The following SLC4A8 variants were observed in gnomAD, a reference collection of about 807,000 sequenced individuals.
The protein encoded by SLC4A8 is solute carrier family 4 member 8.
Under a neutral mutation model 125.0 loss-of-function variants are expected in SLC4A8, and 40 were observed. The ratio of observed to expected loss-of-function variants is 0.32; its 90% confidence interval spans 0.25 to 0.42. SLC4A8 has a LOEUF of 0.42. Ranked by LOEUF, SLC4A8 falls within the 10% of genes least tolerant of loss-of-function variation. The pLI, the probability that SLC4A8 is intolerant of heterozygous loss-of-function variation, is 1.00. For synonymous variants in SLC4A8, 456 were observed against 476.0 expected, an observed-to-expected ratio of 0.96 and a Z score of 0.55; for missense variants, 863 against 1,355.1, an observed-to-expected ratio of 0.64 and a Z score of 5.70.
rs145674542 is a variant in SLC4A8 at position 51,445,579 on chromosome 12, C to T, written c.130+4790C>T. Among the ~76,000 whole-genome samples, 446 of 152,160 alleles carry T rather than the reference C, an allele frequency of 2.9e-3. 3 individuals are homozygous for T. The highest frequency in any genetic ancestry group is 0.01 in the African/African-American group (425 of 41,504). The stretch of plus-strand genomic sequence containing the variant: ...CATCTCCTTTCCTTCCCTTTTCTAC[C>T]CTGCCCTGGCCCTACTGGCCATCCT... On this transcript the variant is annotated intron_variant, in intron 2 of 24. Transcript: ENST00000453097.
At chr12:51,462,561 C>T in intron 10 of SLC4A8, 105 bp downstream of exon 10, 1 of 888,628 alleles carries the variant, frequency 1.1e-6, no homozygotes. Flanking sequence ...CAAGATGCAG[C>T]TCTGTTTTGG....
intron 11 of SLC4A8, among the ~76,000 whole-genome samples, chr12:51,465,775 C>T (rs558520960): frequency 1.3e-5 from 2 of 152,220 alleles, no homozygotes; most frequent in Non-Finnish European, 2.9e-5. Flanking sequence ...GGCAAGGTGA[C>T]ATAATGGCTG....
In SLC4A8 at chr12:51,452,327, A is replaced by G; in HGVS notation, c.413+68A>G. ...GCAAGTGTGTACCCTTCAGCAAGTG[A>G]CAGGCCTGCCTGCCTTATTTCTTCT... On this transcript the variant is annotated intron_variant, in intron 4 of 24. Transcript: ENST00000453097. The G allele has an allele frequency of 3.9e-6, 6 of 1,540,210 alleles. No individual in the cohort carries two copies. In the Admixed American group the frequency reaches 6.7e-5, roughly 17 times the overall value.
intron 14 of SLC4A8, among the ~76,000 whole-genome samples, chr12:51,472,544 T>C (rs968927478): frequency 2.0e-5 from 3 of 152,378 alleles, no homozygotes; most frequent in African/African-American, 7.2e-5. Context: ...TCTGTAAGGT[T>C]GATTCTTTGA....
At chr12:51,472,224 A>G (rs1240158678) in intron 14 of SLC4A8, among the ~76,000 whole-genome samples, 1 of 152,322 alleles carries the variant, frequency 6.6e-6, no homozygotes, top group Non-Finnish European at 1.5e-5. Context: ...AATTATGACT[A>G]AAGATCCTCT....
chr12:51,398,906 C>T (rs1481291214), intron 1 of SLC4A8, among the ~76,000 whole-genome samples: 1 of 152,154 alleles, frequency 6.6e-6, no homozygotes. Flanking sequence ...TGCGCAACCA[C>T]GCCCAACTAA....
rs573685121 is a variant in SLC4A8 at position 51,489,639 on chromosome 12, C to G, written c.2449-61C>G. On this transcript the variant is annotated intron_variant, in intron 18 of 24. Transcript: ENST00000453097. ...CTTTGGGCCTGAGACCCGTAGCTCA[C>G]TGTTCTATGCCCTACTACAGCTAGC... 14 of 1,596,728 alleles carry G rather than the reference C, an allele frequency of 8.8e-6. No individual in the cohort carries two copies. The East Asian group carries it at 3.1e-4, about 36-fold the overall frequency.
At chr12:51,402,679 G>A (rs1314393271) in intron 1 of SLC4A8, among the ~76,000 whole-genome samples, 1 of 152,050 alleles carries the variant, frequency 6.6e-6, no homozygotes, top group Non-Finnish European at 1.5e-5. Flanking sequence ...CCGAGACCGC[G>A]CCATTGCACT....
chr12:51,450,084 C>T (rs1044583556), intron 2 of SLC4A8, among the ~76,000 whole-genome samples: 3 of 151,998 alleles, frequency 2.0e-5, no homozygotes, highest in Non-Finnish European at 4.4e-5. Flanking sequence ...ACTATTGGGT[C>T]ACTTATTTTC....
At chr12:51,469,481 G>A (rs187476275) in intron 11 of SLC4A8, 133 bp from the exon 12 acceptor site, 2 of 689,032 alleles carry the variant, frequency 2.9e-6, no homozygotes, top group Non-Finnish European at 2.4e-6. Context: ...AGAGTTATCT[G>A]TACTGGGGTC....
rs1938407067 is a variant in SLC4A8, at chr12:51,512,686, T to C, written c.*5248T>C. 1 of 152,238 alleles carries C rather than the reference T, an allele frequency of 6.6e-6. No individual in the cohort carries two copies. The highest frequency in any genetic ancestry group is 2.4e-5 in the African/African-American group (1 of 41,438). The allele number at this position is 152,238 out of a possible 1,614,324, so 9.4% of individuals were successfully genotyped here. A position where few individuals can be genotyped will look rare whatever the true frequency, so the allele number is the denominator to read the frequency against. ...ATGCGTGTGCATTTGCATGTGTGTA[T>C]GTTGACAAATGAGAGTGTAGCCATA... On this transcript the variant is annotated 3_prime_UTR_variant, in exon 25 of 25. Coordinates refer to ENST00000453097, the MANE Select transcript of SLC4A8 (RefSeq NM_001039960.3).
chr12:51,407,436 T>A (rs1010992798), intron 1 of SLC4A8, among the ~76,000 whole-genome samples: 15 of 135,838 alleles, frequency 1.1e-4, no homozygotes, highest in African/African-American at 4.5e-4. Context: ...TAAAAAAAAT[T>A]TTTTTTTTTT....
intron 2 of SLC4A8, 145 bp downstream of exon 2, chr12:51,440,934 C>G: frequency 1.1e-6 from 1 of 941,464 alleles, no homozygotes; most frequent in South Asian, 2.3e-5. Context: ...CTTTCCTCAT[C>G]TGGTAAATAA....
Position 51,512,611 on chromosome 12 carries a change from G to C in SLC4A8, c.*5173G>C, listed in dbSNP as rs1479449536. ...GTGGGCAGTGTTTGGGGTAGGAAAT[G>C]AGTAGTGGTGAAGCAGCAGCAGTGT... On this transcript the variant is annotated 3_prime_UTR_variant, in exon 25 of 25. Transcript: ENST00000453097. 6.6e-6 allele frequency: 1 copy of C among 152,356 alleles called. No individual in the cohort carries two copies. The highest frequency in any genetic ancestry group is 1.5e-5 in the Non-Finnish European group (1 of 68,210). 9.4% of individuals were successfully genotyped at this position (152,356 alleles called of 1,614,324 possible). A position where few individuals can be genotyped will look rare whatever the true frequency, so the allele number is the denominator to read the frequency against.
chr12:51,482,407 T>G (rs1453869982), intron 16 of SLC4A8, among the ~76,000 whole-genome samples: 1 of 152,008 alleles, frequency 6.6e-6, no homozygotes, highest in Non-Finnish European at 1.5e-5. Context: ...TGAGACAGAG[T>G]CTCACTCTGT....
At chr12:51,418,277 G>A (rs1229110931) in intron 1 of SLC4A8, among the ~76,000 whole-genome samples, 1 of 152,130 alleles carries the variant, frequency 6.6e-6, no homozygotes, top group Admixed American at 6.5e-5. Context: ...AGATATCCAG[G>A]GAAAATCAGA....
At position 51,512,696 on chromosome 12, in the gene SLC4A8, T is replaced by A. The variant is rs1027150696; in HGVS notation, c.*5258T>A. On this transcript the variant is annotated 3_prime_UTR_variant, in exon 25 of 25. Transcript: ENST00000453097. ...ATTTGCATGTGTGTATGTTGACAAA[T>A]GAGAGTGTAGCCATAAGATTTCATT... 2.6e-5 allele frequency: 4 copies of A among 152,164 alleles called. No individual in the cohort carries two copies. Among genetic ancestry groups the A allele is most frequent in the African/African-American group, 9.7e-5 (4 of 41,420 alleles). 9.4% of individuals were successfully genotyped at this position (152,164 alleles called of 1,614,324 possible).
chr12:51,399,846 G>T (rs1243510861), intron 1 of SLC4A8, among the ~76,000 whole-genome samples: 1 of 152,178 alleles, frequency 6.6e-6, no homozygotes, highest in Non-Finnish European at 1.5e-5. Context: ...GCTGGGCATG[G>T]TGATGCGTTC....
intron 1 of SLC4A8, among the ~76,000 whole-genome samples, chr12:51,416,058 T>C (rs1948679592): frequency 6.6e-6 from 1 of 151,996 alleles, no homozygotes; most frequent in Non-Finnish European, 1.5e-5. Flanking sequence ...GCTCATTCTT[T>C]TATCTTTCAA....
Sources: allele counts gnomAD v4.1 joint callset (sites outside exome capture counted in the v4.1 genomes callset), GRCh38; gene constraint gnomAD v4.1.1; transcripts MANE v1.5; gene names NCBI Gene and HGNC (gene_info 2026-07-23, HGNC 2026-07-21).